The following OSBP2 variants were observed in gnomAD, a reference collection of about 807,000 sequenced individuals.
OSBP2 encodes the protein oxysterol-binding protein 2.
A neutral mutation model predicts 96.0 loss-of-function variants in OSBP2; 66 were observed. The observed-to-expected ratio is 0.69, with a 90% CI of 0.56 to 0.84. OSBP2 has a LOEUF of 0.84. Ranked by LOEUF, OSBP2 falls within the 40% of genes least tolerant of loss-of-function variation. The pLI, the probability that OSBP2 is intolerant of heterozygous loss-of-function variation, is 0.00. For missense variants in OSBP2, 1,038 were observed against 1,222.7 expected, an observed-to-expected ratio of 0.85 and a Z score of 2.25; for synonymous variants, 525 against 520.9, an observed-to-expected ratio of 1.01 and a Z score of -0.11.
intron 2 of OSBP2, among the ~76,000 whole-genome samples, chr22:30,824,264 C>T (rs1423069698): frequency 6.6e-6 from 1 of 152,146 alleles, no homozygotes; most frequent in African/African-American, 2.4e-5. Flanking sequence ...GGAGGCGGCT[C>T]AGGAAGTTGT....
chr22:30,695,729 C>T (rs1160738405), intron 1 of OSBP2, among the ~76,000 whole-genome samples, 176 bp downstream of exon 1: 1 of 152,208 alleles, frequency 6.6e-6, no homozygotes, highest in Non-Finnish European at 1.5e-5. Context: ...GGGGCCCTGA[C>T]CTCTGGCAAG....
Position 30,899,374 on chromosome 22 carries a change from A to C in OSBP2, c.2375+5373A>C, listed in dbSNP as rs534388695. ...TGAGCCATGACTACTACTGCATACC[A>C]GCCTGGGTGACAAAGCAGACCCTAT... On this transcript the variant is annotated intron_variant, in intron 12 of 13. Transcript: ENST00000332585. 8.0e-5 allele frequency among the ~76,000 whole-genome samples: 12 copies of C among 150,608 alleles called. No homozygotes were observed. In the East Asian group the frequency reaches 2.4e-3, roughly 30 times the overall value.
intron 3 of OSBP2, among the ~76,000 whole-genome samples, chr22:30,876,621 G>T (rs2039585913): frequency 6.6e-6 from 1 of 152,238 alleles, no homozygotes; most frequent in African/African-American, 2.4e-5. Flanking sequence ...CCTGGTGGCA[G>T]TTCCCCCAAC....
At chr22:30,749,974 T>G (rs905310002) in intron 2 of OSBP2, among the ~76,000 whole-genome samples, 2 of 152,094 alleles carry the variant, frequency 1.3e-5, no homozygotes, top group African/African-American at 2.4e-5. Flanking sequence ...TTCTGCTTGG[T>G]CAAGAACAGA....
chr22:30,873,658 C>T (rs910294668), intron 3 of OSBP2, among the ~76,000 whole-genome samples: 7 of 152,206 alleles, frequency 4.6e-5, no homozygotes, highest in South Asian at 2.1e-4. Context: ...CCCTAGCGCC[C>T]GTGCCTGCAT....
chr22:30,902,086 C>T (rs1461726221), intron 12 of OSBP2: 11 of 388,220 alleles, frequency 2.8e-5, no homozygotes, highest in Admixed American at 4.7e-5. Context: ...CATGAAGCAA[C>T]GTAGGTAAAT....
At chr22:30,711,566 C>G (rs1307467547) in intron 1 of OSBP2, among the ~76,000 whole-genome samples, 1 of 151,688 alleles carries the variant, frequency 6.6e-6, no homozygotes, top group Non-Finnish European at 1.5e-5. Flanking sequence ...ATGGCAAAAC[C>G]CCATGTCTAC....
At chr22:30,807,143 C>T (rs994708453) in intron 2 of OSBP2, among the ~76,000 whole-genome samples, 5 of 152,150 alleles carry the variant, frequency 3.3e-5, no homozygotes, top group Non-Finnish European at 5.9e-5. Context: ...CTGAACCTTG[C>T]GCCATTCCTG....
intron 1 of OSBP2, among the ~76,000 whole-genome samples, chr22:30,712,332 CTTG>C (rs2089366145): frequency 6.6e-6 from 1 of 152,136 alleles, no homozygotes; most frequent in Non-Finnish European, 1.5e-5. Flanking sequence ...CCAGGAAATT[CTTG>C]TTGAACTGAA....
At chr22:30,699,160 G>A (rs920831765) in intron 1 of OSBP2, among the ~76,000 whole-genome samples, 1 of 151,724 alleles carries the variant, frequency 6.6e-6, no homozygotes, top group Admixed American at 6.6e-5. Context: ...GGCCAGGCTG[G>A]TCTCAAACTC....
Position 30,707,437 on chromosome 22 carries a change from C to CA in OSBP2, c.644+11885dup, listed in dbSNP as rs2089271979. Among the ~76,000 whole-genome samples the CA allele has an allele frequency of 3.3e-5, 5 of 151,954 alleles. 1 individual carries two copies. In the South Asian group the frequency reaches 1.0e-3, roughly 32 times the overall value. On this transcript the variant is annotated intron_variant, in intron 1 of 13. Coordinates refer to ENST00000332585, the MANE Select transcript of OSBP2 (RefSeq NM_030758.4). ...TTATAGAAAATGTACTTTTTGGGCCCAGTGCAGTGGCTCACACCGGTAATC... is the reference window on the plus strand; with the variant it reads ...TTATAGAAAATGTACTTTTTGGGCCCAAGTGCAGTGGCTCACACCGGTAATC...
chr22:30,702,136 G>T (rs1350292387), intron 1 of OSBP2, among the ~76,000 whole-genome samples: 2 of 152,064 alleles, frequency 1.3e-5, no homozygotes, highest in Non-Finnish European at 2.9e-5. Flanking sequence ...AAATTTCCAA[G>T]TCCTGCCTGT....
chr22:30,821,513 AATG>A (rs1180055823), intron 2 of OSBP2, among the ~76,000 whole-genome samples: 3 of 152,190 alleles, frequency 2.0e-5, no homozygotes, highest in South Asian at 4.2e-4. Context: ...TTCTGACCCG[AATG>A]ATGTCACTAG....
At chr22:30,855,160 C>T (rs1248002335) in intron 2 of OSBP2, among the ~76,000 whole-genome samples, 1 of 152,206 alleles carries the variant, frequency 6.6e-6, no homozygotes, top group Non-Finnish European at 1.5e-5. Context: ...CAAGTGACAA[C>T]AAATTCTCAC....
Position 30,893,160 on chromosome 22 carries a change from C to CTCCA in OSBP2, c.1909_1912dup (p.Lys638IlefsTer72). 1.9e-6 allele frequency: 3 copies of CTCCA among 1,614,128 alleles called. No individual in the cohort carries two copies. The highest frequency in any genetic ancestry group is 2.5e-6 in the Non-Finnish European group (3 of 1,179,974). On this transcript the variant is annotated frameshift_variant, in exon 9 of 14. Transcript: ENST00000332585. LOFTEE classifies it high-confidence loss of function. ...CCCCCTCAGCTGCGCACTACGTGTT[C>CTCCA]TCCAAGCATGGCTGGAGCCTCTGGC... is the stretch of plus-strand genomic sequence containing the variant.
In OSBP2 at chr22:30,893,741, G is replaced by A. The variant is rs745922026; in HGVS notation, c.2190+8G>A. ...AAAGAGGCAGCCCGGAAGGTAAGCA[G>A]GACCAGCCACCTCTAAGCACCCCAG... On this transcript the variant is annotated splice_region_variant and intron_variant, in intron 11 of 13. Transcript: ENST00000332585. 1 of 1,613,956 alleles carries A rather than the reference G, an allele frequency of 6.2e-7. No homozygotes were observed. The highest frequency in any genetic ancestry group is 8.5e-7 in the Non-Finnish European group (1 of 1,179,858).
At chr22:30,805,768 C>T (rs1444809873) in intron 2 of OSBP2, among the ~76,000 whole-genome samples, 1 of 152,168 alleles carries the variant, frequency 6.6e-6, no homozygotes, top group Admixed American at 6.5e-5. Context: ...TTTCTTGGGT[C>T]TGTTGTCATC....
At chr22:30,707,245 C>T (rs1212110740) in intron 1 of OSBP2, among the ~76,000 whole-genome samples, 2 of 152,006 alleles carry the variant, frequency 1.3e-5, no homozygotes, top group South Asian at 2.1e-4. Flanking sequence ...TACAGGCTCT[C>T]GCTGCCACGC....
intron 2 of OSBP2, among the ~76,000 whole-genome samples, chr22:30,771,727 T>C (rs2090348953): frequency 6.6e-6 from 1 of 152,208 alleles, no homozygotes; most frequent in Admixed American, 6.5e-5. Context: ...CCGCAGATGA[T>C]TTGAAAACCA....
Sources: gnomAD v4.1 joint callset for allele counts (sites outside exome capture counted in the v4.1 genomes callset) on GRCh38, gnomAD v4.1.1 for gene constraint, MANE v1.5 for transcripts, NCBI Gene and HGNC (gene_info 2026-07-23, HGNC 2026-07-21) for gene names.